ATP2C1: variants seen among roughly 807,000 people sequenced by gnomAD.
ATP2C1 encodes the protein calcium-transporting ATPase type 2C member 1.
ATP2C1 carries 31 observed loss-of-function variants against 120.5 expected under a neutral mutation model. That is an observed-to-expected ratio of 0.26 (90% confidence interval 0.19 to 0.35). ATP2C1 has a LOEUF of 0.35. ATP2C1 is among the 10% of genes least tolerant of loss of function. ATP2C1 has a pLI of 1.00. For synonymous variants in ATP2C1, 351 were observed against 358.7 expected, an observed-to-expected ratio of 0.98 and a Z score of 0.24; for missense variants, 731 against 1,107.5, an observed-to-expected ratio of 0.66 and a Z score of 4.83.
chr3:130,888,280 G>A (rs2069047012), intron 1 of ATP2C1, among the ~76,000 whole-genome samples: 1 of 152,160 alleles, frequency 6.6e-6, no homozygotes, highest in Non-Finnish European at 1.5e-5. Context: ...TGTGCTGCCT[G>A]GGGTTGGGGG....
At chr3:130,962,328 G>A (rs972138987) in intron 12 of ATP2C1, among the ~76,000 whole-genome samples, 3 of 151,954 alleles carry the variant, frequency 2.0e-5, no homozygotes, top group Non-Finnish European at 4.4e-5. Flanking sequence ...CAACACAATT[G>A]GGAGCCATCA....
intron 17 of ATP2C1, among the ~76,000 whole-genome samples, chr3:130,971,250 T>A (rs2061302632): frequency 6.6e-6 from 1 of 152,248 alleles, no homozygotes; most frequent in South Asian, 2.1e-4. Flanking sequence ...TAATGTAATC[T>A]ACCAAAGTTT....
rs1315109506 is a variant in ATP2C1, at chr3:130,992,951, G to A, written c.1840G>A (p.Val614Ile). The A allele has an allele frequency of 8.7e-6, 14 of 1,610,238 alleles. No individual in the cohort carries two copies. The highest frequency in any genetic ancestry group is 2.7e-5 in the African/African-American group (2 of 74,814). The change falls in exon 21 of 28, where the codon GTT becomes ATT. Residue 614 changes from valine to isoleucine, a missense_variant and splice_region_variant. Val to Ile is a conservative substitution (Grantham distance 29). Transcript: ENST00000510168. ...VQQLSQIVPK[V>I]AVFYRASPRH... ...TTTAGTGTATCTTGTATTTTAACAGGTTGCAGTATTTTACAGAGCTAGCCC... is the reference window on the plus strand; with the variant it reads ...TTTAGTGTATCTTGTATTTTAACAGATTGCAGTATTTTACAGAGCTAGCCC...
intron 8 of ATP2C1, among the ~76,000 whole-genome samples, chr3:130,943,462 C>T (rs774447733): frequency 4.6e-4 from 70 of 152,164 alleles, no homozygotes; most frequent in Non-Finnish European, 9.3e-4. Flanking sequence ...GGTGATCCAC[C>T]TGCCTCAGCC....
chr3:130,867,705 C>CTGGGAAGTGAGG (rs1279473324), intron 1 of ATP2C1, among the ~76,000 whole-genome samples: 31 of 148,446 alleles, frequency 2.1e-4, no homozygotes, highest in African/African-American at 7.5e-4. Flanking sequence ...CTCTGCCCGG[C>CTGGGAAGTGAGG]CGCCACCCCG....
chr3:130,986,226 T>C (rs758918573), intron 20 of ATP2C1, among the ~76,000 whole-genome samples: 74 of 150,702 alleles, frequency 4.9e-4, no homozygotes, highest in Admixed American at 1.4e-3. Context: ...TGGTAATCTC[T>C]TCCTGAAGTT....
Position 130,965,125 on chromosome 3 carries a change from G to A in ATP2C1, c.1122+80G>A, listed in dbSNP as rs1028578805. On this transcript the variant is annotated intron_variant, in intron 14 of 27. Transcript: ENST00000510168. ...GTGTTTAACATTCCTAACAGTTCCA[G>A]TGTCTTACCTTCAAAAGGGCTGTAA... The A allele has an allele frequency of 6.2e-5, 58 of 942,784 alleles. 1 individual carries two copies. The Admixed American group carries it at 1.0e-3, about 17-fold the overall frequency. The allele number at this position is 942,784 out of a possible 1,614,324, so 58.4% of individuals were successfully genotyped here.
intron 1 of ATP2C1, among the ~76,000 whole-genome samples, chr3:130,887,041 G>A (rs151288954): frequency 5.9e-5 from 9 of 152,162 alleles, no homozygotes; most frequent in African/African-American, 2.2e-4. Context: ...CTGCGTGAGG[G>A]GGCACCTCAA....
exon 27 of ATP2C1, chr3:131,016,675 T>A: frequency 2.9e-6 from 1 of 344,702 alleles, no homozygotes; most frequent in Non-Finnish European, 5.5e-6. Context: ...CAAATGACTA[T>A]TAAATATTAT....
Position 130,975,457 on chromosome 3 carries a change from G to A in ATP2C1, c.1539G>A (p.Glu513=), listed in dbSNP as rs757364818. The A allele has an allele frequency of 1.2e-6, 2 of 1,613,840 alleles. No homozygotes were observed. Among genetic ancestry groups the A allele is most frequent in the Non-Finnish European group, 1.7e-6 (2 of 1,179,864 alleles). Reference sequence around the variant, plus strand: ...AGCAGAGAGATGTGTACCAACAAGAGAAGGCACGCATGGGCTCAGCGGGAC... The same window carrying A: ...AGCAGAGAGATGTGTACCAACAAGAAAAGGCACGCATGGGCTCAGCGGGAC... ...TQQQRDVYQQ[E]KARMGSAGLR... The change falls in exon 18 of 28, where the codon GAG becomes GAA. Residue 513 remains glutamate (E), a synonymous_variant. Coordinates refer to ENST00000510168, the MANE Select transcript of ATP2C1 (RefSeq NM_001378687.1).
chr3:130,892,900 TG>T (rs1347904446), upstream of ATP2C1, among the ~76,000 whole-genome samples: 1 of 152,254 alleles, frequency 6.6e-6, no homozygotes, highest in African/African-American at 2.4e-5. Context: ...CCGTTAATTC[TG>T]ATGTTGAACG....
rs1219046599 is a variant in ATP2C1, at chr3:130,934,614, A to C, written c.235-8A>C. 34 of 1,594,890 alleles carry C rather than the reference A, an allele frequency of 2.1e-5. No homozygotes were observed. The highest frequency in any genetic ancestry group is 2.8e-5 in the Non-Finnish European group (32 of 1,163,444). ...CTGTGTTGAATTGCTGTTTGTTTTT[A>C]CTTTCAGTTTAAAAATCCCCTTATT... On this transcript the variant is annotated splice_polypyrimidine_tract_variant and splice_region_variant and intron_variant, in intron 4 of 27. Coordinates refer to ENST00000510168, the MANE Select transcript of ATP2C1 (RefSeq NM_001378687.1).
At chr3:130,998,494 G>T (rs1577042850) in intron 26 of ATP2C1, 105 bp downstream of exon 26, 175 of 874,082 alleles carry the variant, frequency 2.0e-4, no homozygotes, top group African/African-American at 1.7e-5. Context: ...GCTTAATTTT[G>T]TAGCCACAGA....
At chr3:130,920,482 A>G (rs920551417) in intron 2 of ATP2C1, among the ~76,000 whole-genome samples, 1 of 152,058 alleles carries the variant, frequency 6.6e-6, no homozygotes, top group Non-Finnish European at 1.5e-5. Context: ...AGTTGACCAT[A>G]TGTGTGTGGA....
chr3:131,011,303 A>G (rs1445831712), intron 26 of ATP2C1, among the ~76,000 whole-genome samples: 1 of 152,184 alleles, frequency 6.6e-6, no homozygotes, highest in Non-Finnish European at 1.5e-5. Flanking sequence ...TATCACCACT[A>G]AATACAGAAC....
chr3:130,921,833 A>G (rs1559926145), intron 2 of ATP2C1, among the ~76,000 whole-genome samples: 1 of 152,112 alleles, frequency 6.6e-6, no homozygotes, highest in Non-Finnish European at 1.5e-5. Context: ...ATGGTGTATT[A>G]CCTTTTTGAT....
chr3:130,862,878 G>A (rs1159518798), intron 1 of ATP2C1, among the ~76,000 whole-genome samples: 1 of 152,228 alleles, frequency 6.6e-6, no homozygotes, highest in African/African-American at 2.4e-5. Flanking sequence ...CCTGATAGGA[G>A]TAGAATTGTG....
chr3:130,975,009 T>C (rs1303373988), intron 17 of ATP2C1, among the ~76,000 whole-genome samples: 1 of 152,182 alleles, frequency 6.6e-6, no homozygotes, highest in Non-Finnish European at 1.5e-5. Flanking sequence ...ATAGAGAACT[T>C]GAACCATTGT....
At chr3:130,893,170 T>G (rs1003594857), upstream of ATP2C1, among the ~76,000 whole-genome samples, 1 of 152,172 alleles carries the variant, frequency 6.6e-6, no homozygotes, top group African/African-American at 2.4e-5. Flanking sequence ...AAAGCACTTA[T>G]TAGGGGTCTG....
Sources: allele counts gnomAD v4.1 joint callset (sites outside exome capture counted in the v4.1 genomes callset), GRCh38; gene constraint gnomAD v4.1.1; transcripts MANE v1.5; gene names NCBI Gene and HGNC (gene_info 2026-07-23, HGNC 2026-07-21).